ENPP2: variants seen among roughly 807,000 people sequenced by gnomAD.
ENPP2 encodes autotaxin.
In ENPP2, 51 loss-of-function variants were observed where a neutral mutation model predicts 120.2. That is an observed-to-expected ratio of 0.42 (90% CI 0.34 to 0.54). The LOEUF (loss-of-function observed/expected upper bound fraction) is 0.54. ENPP2 is among the 20% of genes least tolerant of loss of function. The pLI is 0.04. For missense variants in ENPP2, 920 were observed against 1,066.5 expected (o/e 0.86, Z 1.91); for synonymous variants, 365 against 366.4 (o/e 1.00, Z 0.04).
chr8:119,662,553 G>A (rs1484146136), intron 1 of ENPP2, among the ~76,000 whole-genome samples: 1 of 151,982 alleles, frequency 6.6e-6, no homozygotes, highest in Non-Finnish European at 1.5e-5. Flanking sequence ...TTCTGATGCA[G>A]CTGAAATTTG....
At chr8:119,600,778 C>A (rs2130556266) in intron 10 of ENPP2, 28 bp from the exon 11 acceptor site, 1 of 1,301,464 alleles carries the variant, frequency 7.7e-7, no homozygotes, top group East Asian at 2.3e-5. Context: ...GGTTCAGAAT[C>A]TCTCCTAAAC....
chr8:119,596,011 G>A, intron 11 of ENPP2: 1 of 1,613,410 alleles, frequency 6.2e-7, no homozygotes, highest in Non-Finnish European at 8.5e-7. Context: ...TCCTGTACTG[G>A]CGGATAGAGA....
chr8:119,654,137 GATATA>G (rs1371568900), intron 1 of ENPP2, among the ~76,000 whole-genome samples: 3 of 140,714 alleles, frequency 2.1e-5, no homozygotes, highest in East Asian at 2.0e-4. Context: ...TATATACAGA[GATATA>G]ATATATAAGT....
intron 2 of ENPP2, among the ~76,000 whole-genome samples, chr8:119,634,634 A>AAGGC (rs1186969568): frequency 6.6e-6 from 1 of 151,560 alleles, no homozygotes; most frequent in Non-Finnish European, 1.5e-5. Context: ...TGAGTTAGCC[A>AAGGC]AGGCCTGGAT....
intron 19 of ENPP2, among the ~76,000 whole-genome samples, chr8:119,576,613 A>G (rs1403632724): frequency 6.6e-6 from 1 of 152,244 alleles, no homozygotes; most frequent in African/African-American, 2.4e-5. Flanking sequence ...GTAAAGACCA[A>G]GGTGAAAATA....
At chr8:119,595,288 G>A (rs147893413) in intron 11 of ENPP2, among the ~76,000 whole-genome samples, 4 of 152,314 alleles carry the variant, frequency 2.6e-5, no homozygotes, top group East Asian at 1.9e-4. Flanking sequence ...AGCAACAACC[G>A]ATAGGCTCTT....
intron 20 of ENPP2, among the ~76,000 whole-genome samples, 197 bp from the exon 21 acceptor site, chr8:119,569,567 T>C (rs917827615): frequency 6.6e-6 from 1 of 152,086 alleles, no homozygotes; most frequent in Non-Finnish European, 1.5e-5. Context: ...TTTTCAAACT[T>C]TTTTTAATCA....
intron 8 of ENPP2, among the ~76,000 whole-genome samples, chr8:119,609,540 T>A (rs1814947708): frequency 6.6e-6 from 1 of 152,176 alleles, no homozygotes; most frequent in African/African-American, 2.4e-5. Flanking sequence ...AATTCTGGCA[T>A]CCTCCAGGAA....
At position 119,597,572 on chromosome 8, in the gene ENPP2, T is replaced by C. The variant is rs533645367; in HGVS notation, c.972+3106A>G. On this transcript the variant is annotated intron_variant, in intron 11 of 24. Transcript: ENST00000075322. The stretch of plus-strand genomic sequence containing the variant: ...CTGAGGTTATTAAGAGGATGGGAGG[T>C]AGAGGTGCAAATTTCCCTGCATTTC... Among the ~76,000 whole-genome samples the C allele has an allele frequency of 2.6e-5, 4 of 152,272 alleles. No individual in the cohort carries two copies. In the East Asian group the frequency reaches 7.7e-4, roughly 29 times the overall value.
intron 2 of ENPP2, among the ~76,000 whole-genome samples, chr8:119,632,269 T>C (rs1816733687): frequency 6.6e-6 from 1 of 152,198 alleles, no homozygotes; most frequent in Non-Finnish European, 1.5e-5. Flanking sequence ...TCATCATTAC[T>C]GAGATGGCCG....
intron 2 of ENPP2, among the ~76,000 whole-genome samples, chr8:119,628,473 A>G (rs1338008405): frequency 6.6e-6 from 1 of 152,202 alleles, no homozygotes; most frequent in African/African-American, 2.4e-5. Context: ...TCCTTTTATT[A>G]CAGGTAAAGA....
At chr8:119,578,114 G>A (rs1448135768) in intron 19 of ENPP2, among the ~76,000 whole-genome samples, 7 of 152,096 alleles carry the variant, frequency 4.6e-5, no homozygotes, top group Admixed American at 2.0e-4. Context: ...GCAGTGGTGC[G>A]ATCTCAGCTC....
intron 8 of ENPP2, among the ~76,000 whole-genome samples, chr8:119,610,908 A>G (rs910302790): frequency 3.3e-5 from 5 of 151,706 alleles, no homozygotes; most frequent in Non-Finnish European, 5.9e-5. Flanking sequence ...GTCTTTAAAA[A>G]AAAAAAAAAA....
chr8:119,627,098 G>A (rs187768986), intron 2 of ENPP2, among the ~76,000 whole-genome samples: 1 of 152,076 alleles, frequency 6.6e-6, no homozygotes, highest in East Asian at 1.9e-4. Context: ...TGCTAACGAT[G>A]ACCACAGAGA....
intron 7 of ENPP2, 101 bp from the exon 8 acceptor site, chr8:119,616,485 A>G: frequency 1.3e-6 from 1 of 758,088 alleles, no homozygotes; most frequent in Non-Finnish European, 2.0e-6. Flanking sequence ...TTATAGCAAT[A>G]CTTAATTTCC....
intron 8 of ENPP2, among the ~76,000 whole-genome samples, chr8:119,610,476 C>G (rs969077792): frequency 6.1e-5 from 9 of 146,378 alleles, no homozygotes; most frequent in Non-Finnish European, 8.9e-5. Context: ...GAATACAAGC[C>G]GATAAGGTTA....
In ENPP2 at chr8:119,582,417, C is replaced by A. The variant is rs747051049; in HGVS notation, c.1728+1G>T. 2.5e-6 allele frequency: 4 copies of A among 1,611,540 alleles called. No homozygotes were observed. Among genetic ancestry groups the A allele is most frequent in the South Asian group, 1.1e-5 (1 of 90,804 alleles). ...ATAATAAACATAAAGATTATTTCTA[C>A]CTTTGGCTCTACCTTATCATCACAA... On this transcript the variant is annotated splice_donor_variant, in intron 18 of 24. Coordinates refer to ENST00000075322, the MANE Select transcript of ENPP2 (RefSeq NM_001040092.3). LOFTEE classifies it high-confidence loss of function.
intron 1 of ENPP2, among the ~76,000 whole-genome samples, chr8:119,653,288 T>A (rs993353526): frequency 6.6e-6 from 1 of 152,196 alleles, no homozygotes; most frequent in Non-Finnish European, 1.5e-5. Context: ...CTAGTATACG[T>A]CAAGCATTGA....
chr8:119,573,862 T>C (rs1812146280), intron 19 of ENPP2, among the ~76,000 whole-genome samples: 1 of 152,194 alleles, frequency 6.6e-6, no homozygotes, highest in East Asian at 1.9e-4. Flanking sequence ...TTCCAAGCTA[T>C]TGTCATAACT....
Sources: allele counts gnomAD v4.1 joint callset (sites outside exome capture counted in the v4.1 genomes callset), GRCh38; gene constraint gnomAD v4.1.1; transcripts MANE v1.5; gene names NCBI Gene and HGNC (gene_info 2026-07-23, HGNC 2026-07-21).